The following TLN2 variants were observed in gnomAD, a reference collection of about 807,000 sequenced individuals.
TLN2 encodes the protein talin-2.
In TLN2, 118 loss-of-function variants were observed where a neutral mutation model predicts 294.7. The observed-to-expected ratio is 0.40, with a 90% CI of 0.34 to 0.47. The LOEUF is 0.47. Ranked by LOEUF, TLN2 falls within the 20% of genes least tolerant of loss-of-function variation. The probability of loss-of-function intolerance (pLI) is 0.84; values close to 1 mark genes in which losing one functional copy is unlikely to be tolerated. For synonymous variants in TLN2, 1,431 were observed against 1,304.5 expected, an observed-to-expected ratio of 1.10 and a Z score of -2.09; for missense variants, 3,083 against 3,282.2, an observed-to-expected ratio of 0.94 and a Z score of 1.48.
chr15:62,393,678 A>G (rs957770684), intron 1 of TLN2, among the ~76,000 whole-genome samples: 2 of 152,202 alleles, frequency 1.3e-5, no homozygotes, highest in Non-Finnish European at 2.9e-5. Context: ...GTAACTATGT[A>G]TATGCCACAT....
At chr15:62,577,524 GA>G (rs2044532282) in intron 1 of TLN2, among the ~76,000 whole-genome samples, 1 of 152,154 alleles carries the variant, frequency 6.6e-6, no homozygotes, top group Non-Finnish European at 1.5e-5. Flanking sequence ...ATTTGAATCT[GA>G]TATATGATAC....
chr15:62,726,951 T>G (rs1209031896), intron 27 of TLN2, 136 bp from the exon 28 acceptor site: 19 of 860,090 alleles, frequency 2.2e-5, no homozygotes, highest in Non-Finnish European at 3.5e-5. Flanking sequence ...TGTACCACCC[T>G]GCTGCGGCTT....
chr15:62,663,078 G>A (rs1409773906), intron 9 of TLN2, among the ~76,000 whole-genome samples: 1 of 152,114 alleles, frequency 6.6e-6, no homozygotes, highest in Non-Finnish European at 1.5e-5. Context: ...GCCTCCCAAA[G>A]TGCTGGGATT....
At position 62,617,601 on chromosome 15, in the gene TLN2, C is replaced by G. The variant is rs115741930; in HGVS notation, c.-161-750C>G. 3.9e-3 allele frequency among the ~76,000 whole-genome samples: 594 copies of G among 152,304 alleles called. 3 individuals are homozygous for G. The highest frequency in any genetic ancestry group is 0.014 in the African/African-American group (571 of 41,564). ...GTGGTCACCACCCTGATCAGAGATG[C>G]CATCTCACAAGGCCTCATCCCCGCT... On this transcript the variant is annotated intron_variant, in intron 2 of 58. Transcript: ENST00000636159.
At chr15:62,767,319 TTTTTCTTTTC>T (rs59674357) in intron 41 of TLN2, among the ~76,000 whole-genome samples, 61 of 148,964 alleles carry the variant, frequency 4.1e-4, no homozygotes, top group Non-Finnish European at 6.8e-4. Context: ...ATTTCATTTC[TTTTTCTTTTC>T]TTTTCTTTTC....
At chr15:62,672,852 T>C (rs769248299) in intron 9 of TLN2, among the ~76,000 whole-genome samples, 7 of 152,100 alleles carry the variant, frequency 4.6e-5, no homozygotes, top group Non-Finnish European at 7.4e-5. Flanking sequence ...TAGCTAGAAA[T>C]TGTTTTTCAG....
At chr15:62,796,602 G>A (rs1185040403) in intron 47 of TLN2, among the ~76,000 whole-genome samples, 1 of 152,170 alleles carries the variant, frequency 6.6e-6, no homozygotes, top group East Asian at 1.9e-4. Flanking sequence ...ACCCCAGCAG[G>A]ATTGGGAATG....
At chr15:62,452,908 T>C (rs2140324321) in intron 1 of TLN2, among the ~76,000 whole-genome samples, 1 of 152,314 alleles carries the variant, frequency 6.6e-6, no homozygotes. Context: ...TGCTTCCAGC[T>C]GTTCTTGGGA....
At chr15:62,739,260 G>T (rs2061188648) in intron 30 of TLN2, 88 bp from the exon 31 acceptor site, 1 of 1,412,882 alleles carries the variant, frequency 7.1e-7, no homozygotes, top group African/African-American at 1.4e-5. Flanking sequence ...CATCTCTGAA[G>T]AGTCTGTCTC....
intron 1 of TLN2, among the ~76,000 whole-genome samples, chr15:62,522,547 A>T (rs900660418): frequency 6.6e-6 from 1 of 152,202 alleles, no homozygotes; most frequent in Non-Finnish European, 1.5e-5. Context: ...CCTGTTTCTG[A>T]TGAATTTGTA....
rs1259045466 is a variant in TLN2 at position 62,750,429 on chromosome 15, A to C, written c.4147A>C (p.Asn1383His). 6.2e-7 allele frequency: 1 copy of C among 1,614,168 alleles called. No individual in the cohort carries two copies. The highest frequency in any genetic ancestry group is 1.3e-5 in the African/African-American group (1 of 75,048). ...ETVKGMLDNP[N>H]EPVSDLSYFD... ...TGTGAAGGGGATGTTGGACAATCCT[A>C]ATGAACCTGTTAGTGACCTCTCTTA... Residue 1383 changes from asparagine (N) to histidine (H), a missense_variant, in exon 34 of 59, where the codon AAT becomes CAT. Physicochemically the swap from Asn to His is moderately conservative, Grantham distance 68 (BLOSUM62 1). Transcript: ENST00000636159.
At chr15:62,667,250 G>A (rs1322816867) in intron 9 of TLN2, among the ~76,000 whole-genome samples, 2 of 152,194 alleles carry the variant, frequency 1.3e-5, no homozygotes, top group African/African-American at 4.8e-5. Context: ...ACAGGCGTGA[G>A]CCACCGTGCC....
At chr15:62,428,739 C>T (rs1284329340) in intron 1 of TLN2, among the ~76,000 whole-genome samples, 1 of 152,200 alleles carries the variant, frequency 6.6e-6, no homozygotes, top group Non-Finnish European at 1.5e-5. Flanking sequence ...GCAGGTACCT[C>T]TGGGAAAAGT....
chr15:62,490,823 C>A (rs2038664918), intron 1 of TLN2, among the ~76,000 whole-genome samples: 1 of 152,104 alleles, frequency 6.6e-6, no homozygotes, highest in Non-Finnish European at 1.5e-5. Context: ...TTCCAGGTTC[C>A]AGCAAGATTG....
chr15:62,515,967 G>A (rs1254673408), intron 1 of TLN2, among the ~76,000 whole-genome samples: 4 of 152,196 alleles, frequency 2.6e-5, no homozygotes, highest in African/African-American at 7.2e-5. Flanking sequence ...AAGATCCTGG[G>A]TGGGGAAGGG....
At chr15:62,707,800 TA>T (rs2059161581) in intron 20 of TLN2, among the ~76,000 whole-genome samples, 1 of 152,018 alleles carries the variant, frequency 6.6e-6, no homozygotes, top group Non-Finnish European at 1.5e-5. Flanking sequence ...GCCACAGAAG[TA>T]GTAAGTGGCA....
intron 45 of TLN2, chr15:62,784,848 A>G (rs2064507527): frequency 6.6e-6 from 1 of 152,252 alleles, no homozygotes. Context: ...AGAAGGTTGT[A>G]ATTGGTCTTC....
At chr15:62,543,569 A>G (rs1216165959) in intron 1 of TLN2, among the ~76,000 whole-genome samples, 2 of 152,158 alleles carry the variant, frequency 1.3e-5, no homozygotes, top group African/African-American at 4.8e-5. Flanking sequence ...CATCCTGGCC[A>G]ACATGGTAAA....
chr15:62,582,246 A>ACACACACACACACC lies in TLN2; in HGVS notation c.-237-7439_-237-7438insCACACACACACCCA, dbSNP rs764248336. Among the ~76,000 whole-genome samples, 634 of 137,290 alleles carry ACACACACACACACC rather than the reference A, an allele frequency of 4.6e-3. 15 individuals are homozygous for ACACACACACACACC. The highest frequency in any genetic ancestry group is 6.7e-3 in the Non-Finnish European group (423 of 63,412). The allele number at this position is 137,290 out of a possible 152,430, so 90.1% of individuals were successfully genotyped here. A position where few individuals can be genotyped will look rare whatever the true frequency, so the allele number is the denominator to read the frequency against. On this transcript the variant is annotated intron_variant, in intron 1 of 58. Coordinates refer to ENST00000636159, the MANE Select transcript of TLN2 (RefSeq NM_015059.3). ...CACACACACACACACACACACACACACATTCATGCCTGACCCATTCCTGAC... is the reference window on the plus strand; with the variant it reads ...CACACACACACACACACACACACACACACACACACACACCCATTCATGCCTGACCCATTCCTGAC...
Sources: allele counts gnomAD v4.1 joint callset (sites outside exome capture counted in the v4.1 genomes callset), GRCh38; gene constraint gnomAD v4.1.1; transcripts MANE v1.5; gene names NCBI Gene and HGNC (gene_info 2026-07-23, HGNC 2026-07-21).